ARHGAP17: variants seen among roughly 807,000 people sequenced by gnomAD.
ARHGAP17 encodes the protein Rho GTPase activating protein 17.
ARHGAP17 carries 57 observed loss-of-function variants against 99.5 expected under a neutral mutation model. The ratio of observed to expected loss-of-function variants is 0.57; its 90% CI spans 0.46 to 0.71. ARHGAP17 has a LOEUF of 0.71. Among genes scored for constraint, ARHGAP17 ranks in the 30% least tolerant of loss-of-function variants. The pLI is 0.00. For synonymous variants in ARHGAP17, 417 were observed against 429.6 expected (o/e 0.97, Z 0.36); for missense variants, 1,000 against 1,122.4 (o/e 0.89, Z 1.56).
At chr16:24,967,651 T>A (rs1301596858) in intron 6 of ARHGAP17, among the ~76,000 whole-genome samples, 1 of 151,824 alleles carries the variant, frequency 6.6e-6, no homozygotes, top group African/African-American at 2.4e-5. Flanking sequence ...ATCTCCAAGC[T>A]GTGGCATGTG....
At chr16:25,003,335 A>G (rs1021757961) in intron 1 of ARHGAP17, among the ~76,000 whole-genome samples, 2 of 148,630 alleles carry the variant, frequency 1.3e-5, no homozygotes, top group Non-Finnish European at 3.0e-5. Flanking sequence ...CCCAGGTTCA[A>G]GCGATTCTCG....
At chr16:25,001,657 C>A (rs568093223) in intron 1 of ARHGAP17, among the ~76,000 whole-genome samples, 2 of 152,158 alleles carry the variant, frequency 1.3e-5, no homozygotes, top group Non-Finnish European at 2.9e-5. Flanking sequence ...TGGCCTCAAG[C>A]GATCCTCCGG....
intron 9 of ARHGAP17, 181 bp from the exon 10 acceptor site, chr16:24,954,911 C>G: frequency 1.2e-6 from 1 of 828,718 alleles, no homozygotes; most frequent in Non-Finnish European, 1.8e-6. Context: ...AACTATGGAC[C>G]AGGCTGGGGC....
chr16:24,946,129 A>G (rs1179291829), intron 14 of ARHGAP17, among the ~76,000 whole-genome samples: 2 of 152,070 alleles, frequency 1.3e-5, no homozygotes, highest in Non-Finnish European at 1.5e-5. Flanking sequence ...CCCCTCCTCT[A>G]TTCAATCTAC....
intron 1 of ARHGAP17, 94 bp downstream of exon 1, chr16:25,015,115 A>T: frequency 8.8e-7 from 1 of 1,138,766 alleles, no homozygotes; most frequent in Non-Finnish European, 1.1e-6. Flanking sequence ...CCCAGCTCAG[A>T]GCCGCCGGAC....
At chr16:24,925,320 C>G (rs1423505493) in intron 19 of ARHGAP17, among the ~76,000 whole-genome samples, 2 of 152,034 alleles carry the variant, frequency 1.3e-5, no homozygotes, top group Non-Finnish European at 2.9e-5. Flanking sequence ...CAGGGGTTGC[C>G]GTGTGCCAAG....
intron 1 of ARHGAP17, among the ~76,000 whole-genome samples, chr16:24,982,033 G>A (rs2052687665): frequency 6.6e-6 from 1 of 151,770 alleles, no homozygotes; most frequent in Admixed American, 6.6e-5. Flanking sequence ...TTTGTTTCCT[G>A]TGTTTGTGGA....
At chr16:24,971,346 T>C (rs1283283905) in intron 3 of ARHGAP17, among the ~76,000 whole-genome samples, 1 of 147,306 alleles carries the variant, frequency 6.8e-6, no homozygotes, top group African/African-American at 2.5e-5. Flanking sequence ...TTTTTTTTTT[T>C]TGAGGCAGAG....
At chr16:24,938,115 C>T (rs1359213310) in intron 17 of ARHGAP17, among the ~76,000 whole-genome samples, 1 of 152,094 alleles carries the variant, frequency 6.6e-6, no homozygotes, top group African/African-American at 2.4e-5. Context: ...GTAATGCCAG[C>T]CTTTGGGAGG....
intron 13 of ARHGAP17, 71 bp from the exon 14 acceptor site, chr16:24,947,666 G>T: frequency 1.5e-6 from 2 of 1,331,512 alleles, no homozygotes; most frequent in Non-Finnish European, 2.1e-6. Context: ...TCCTGCCTGG[G>T]TGCACAATCC....
At chr16:24,987,995 G>A (rs997679118) in intron 1 of ARHGAP17, among the ~76,000 whole-genome samples, 2 of 152,168 alleles carry the variant, frequency 1.3e-5, no homozygotes, top group Admixed American at 1.3e-4. Context: ...AGCCCACCCA[G>A]GGCTAGGCAG....
intron 1 of ARHGAP17, among the ~76,000 whole-genome samples, chr16:24,993,340 C>T (rs929132537): frequency 6.6e-6 from 1 of 152,042 alleles, no homozygotes; most frequent in African/African-American, 2.4e-5. Flanking sequence ...AATCCCAGCA[C>T]TTTGGGAGGC....
intron 1 of ARHGAP17, chr16:25,014,098 TGAAAC>T (rs2053716059): frequency 6.6e-6 from 1 of 151,900 alleles, no homozygotes; most frequent in Non-Finnish European, 1.5e-5. Flanking sequence ...ATGGAGGAAA[TGAAAC>T]AGTAAAAAGC....
Position 24,930,787 on chromosome 16 carries a change from T to C in ARHGAP17, c.2512A>G (p.Thr838Ala), listed in dbSNP as rs755501183. The change falls in exon 19 of 20, where the codon ACA (threonine) becomes GCA (alanine). Residue 838 changes from threonine to alanine, a missense_variant. By Grantham distance (58) the Thr-to-Ala change is moderately conservative. Transcript: ENST00000289968. ...CGGGCATTGATGTCCTACTTACCTG[T>C]TACTATCTTGGAAGCTGTTGGTGCT... ...NTAPTASKIV[T>A]DSNSRVSEPH... 32 of 1,614,078 alleles carry C rather than the reference T, an allele frequency of 2.0e-5. No homozygotes were observed. The highest frequency in any genetic ancestry group is 2.2e-5 in the Non-Finnish European group (26 of 1,180,042).
intron 10 of ARHGAP17, 130 bp downstream of exon 10, chr16:24,954,473 G>GTTCTAC (rs1250872218): frequency 2.9e-5 from 39 of 1,332,048 alleles, no homozygotes; most frequent in African/African-American, 4.4e-5. Context: ...GAAAGCCACT[G>GTTCTAC]TTCTACACAA....
chr16:24,951,830 G>C (rs1047162672), intron 12 of ARHGAP17, among the ~76,000 whole-genome samples: 1 of 152,174 alleles, frequency 6.6e-6, no homozygotes, highest in Non-Finnish European at 1.5e-5. Context: ...TGTTTTGAGG[G>C]AGTTAAAAGT....
At chr16:24,979,080 G>A in intron 1 of ARHGAP17, 75 bp from the exon 2 acceptor site, 2 of 1,112,508 alleles carry the variant, frequency 1.8e-6, no homozygotes, top group South Asian at 2.9e-5. Context: ...ATAATTATTA[G>A]CCTGGAGTTT....
intron 18 of ARHGAP17, 61 bp downstream of exon 18, chr16:24,935,409 C>A: frequency 1.3e-6 from 2 of 1,499,414 alleles, no homozygotes; most frequent in South Asian, 1.2e-5. Context: ...TGAATCCTTG[C>A]ACTAACTTAA....
chr16:25,001,362 GATTT>G (rs2053355909), intron 1 of ARHGAP17, among the ~76,000 whole-genome samples: 1 of 152,134 alleles, frequency 6.6e-6, no homozygotes, highest in African/African-American at 2.4e-5. Context: ...TTAGTTCACA[GATTT>G]ATTAGGCCAT....
Sources: gnomAD v4.1 joint callset for allele counts (sites outside exome capture counted in the v4.1 genomes callset) on GRCh38, gnomAD v4.1.1 for gene constraint, MANE v1.5 for transcripts, NCBI Gene and HGNC (gene_info 2026-07-23, HGNC 2026-07-21) for gene names.